Variants in CCDC148 observed in about 807,000 individuals in gnomAD.
The protein encoded by CCDC148 is coiled-coil domain containing 148.
A neutral mutation model predicts 85.7 loss-of-function variants in CCDC148; 89 were observed. The observed-to-expected ratio is 1.04, with a 90% CI of 0.87 to 1.24. CCDC148 has a LOEUF of 1.24. Among genes scored for constraint, CCDC148 ranks in the 50% most tolerant of loss-of-function variants. CCDC148 has a pLI of 0.00. For missense variants in CCDC148, 692 were observed against 671.7 expected (o/e 1.03, Z -0.33); for synonymous variants, 230 against 213.9 (o/e 1.08, Z -0.66).
chr2:158,405,669 T>C (rs1218068870), intron 1 of CCDC148, among the ~76,000 whole-genome samples: 1 of 152,136 alleles, frequency 6.6e-6, no homozygotes, highest in African/African-American at 2.4e-5. Context: ...CATTAAACAT[T>C]AAAGAACAGT....
chr2:158,255,457 T>C (rs1216338328), intron 9 of CCDC148, among the ~76,000 whole-genome samples: 7 of 151,702 alleles, frequency 4.6e-5, no homozygotes, highest in Admixed American at 1.3e-4. Context: ...CTGGTGGCAA[T>C]TGAAATAACC....
intron 11 of CCDC148, among the ~76,000 whole-genome samples, chr2:158,188,981 C>T (rs535285043): frequency 6.6e-6 from 1 of 151,920 alleles, no homozygotes; most frequent in South Asian, 2.1e-4. Context: ...AACAATTAAT[C>T]ACCAGAGAGA....
chr2:158,226,418 CAATAG>C (rs1687529115), intron 10 of CCDC148, among the ~76,000 whole-genome samples: 1 of 152,132 alleles, frequency 6.6e-6, no homozygotes, highest in Non-Finnish European at 1.5e-5. Flanking sequence ...CTATTCCAAT[CAATAG>C]AAAAAGAGGG....
chr2:158,454,689 T>C (rs1432958660), intron 1 of CCDC148, among the ~76,000 whole-genome samples: 1 of 152,192 alleles, frequency 6.6e-6, no homozygotes, highest in African/African-American at 2.4e-5. Context: ...ATCCTCCTGA[T>C]GAGGAAAGGA....
intron 7 of CCDC148, chr2:158,338,489 C>T: frequency 2.8e-6 from 1 of 352,884 alleles, no homozygotes; most frequent in Non-Finnish European, 5.0e-6. Context: ...GTGAAGAGCT[C>T]AATAAGAGAC....
At chr2:158,365,428 T>C (rs1684152778) in intron 1 of CCDC148, among the ~76,000 whole-genome samples, 2 of 152,066 alleles carry the variant, frequency 1.3e-5, no homozygotes, top group African/African-American at 4.8e-5. Context: ...AATGATAGAC[T>C]GGATAAAGAA....
At chr2:158,404,251 G>C (rs1318196537) in intron 1 of CCDC148, among the ~76,000 whole-genome samples, 4 of 152,078 alleles carry the variant, frequency 2.6e-5, no homozygotes, top group Non-Finnish European at 4.4e-5. Context: ...TAATGGCAAG[G>C]ATGGAAGCGC....
intron 1 of CCDC148, among the ~76,000 whole-genome samples, chr2:158,365,516 T>A (rs1250390061): frequency 1.3e-5 from 2 of 152,142 alleles, no homozygotes; most frequent in African/African-American, 2.4e-5. Flanking sequence ...GGGACATGGA[T>A]GAAGCTGGAA....
intron 1 of CCDC148, among the ~76,000 whole-genome samples, chr2:158,392,939 C>T (rs1685375999): frequency 6.6e-6 from 1 of 152,016 alleles, no homozygotes; most frequent in African/African-American, 2.4e-5. Flanking sequence ...GAGGAGTCAG[C>T]TCTGGCTTTT....
At chr2:158,351,768 G>A (rs1212437303) in intron 2 of CCDC148, among the ~76,000 whole-genome samples, 6 of 152,074 alleles carry the variant, frequency 3.9e-5, no homozygotes, top group Admixed American at 2.0e-4. Context: ...CCACCTCTGG[G>A]GGCAGAGCAC....
intron 9 of CCDC148, among the ~76,000 whole-genome samples, chr2:158,302,548 G>T (rs1399672783): frequency 6.6e-6 from 1 of 152,150 alleles, no homozygotes; most frequent in Non-Finnish European, 1.5e-5. Flanking sequence ...GACTTTGGGA[G>T]GCTCAGGTGG....
intron 9 of CCDC148, among the ~76,000 whole-genome samples, chr2:158,292,084 CT>C (rs1191387625): frequency 2.0e-5 from 3 of 151,294 alleles, no homozygotes; most frequent in East Asian, 1.9e-4. Flanking sequence ...TCACTTTTTT[CT>C]TTTTTTTTGT....
intron 1 of CCDC148, among the ~76,000 whole-genome samples, chr2:158,388,840 G>C (rs1225342470): frequency 2.6e-5 from 4 of 152,126 alleles, no homozygotes; most frequent in Non-Finnish European, 5.9e-5. Context: ...TTCTAGAGTT[G>C]TGAGGATTAT....
chr2:158,409,510 G>A (rs1427169619), intron 1 of CCDC148, among the ~76,000 whole-genome samples: 1 of 152,170 alleles, frequency 6.6e-6, no homozygotes, highest in Non-Finnish European at 1.5e-5. Context: ...CTTTGTTTTA[G>A]CCAATTTCTC....
chr2:158,433,951 G>C (rs1176354197), intron 1 of CCDC148, among the ~76,000 whole-genome samples: 1 of 152,234 alleles, frequency 6.6e-6, no homozygotes, highest in African/African-American at 2.4e-5. Context: ...GCTGAGGCTT[G>C]AGTAGGTAAA....
intron 10 of CCDC148, among the ~76,000 whole-genome samples, chr2:158,230,450 G>C (rs1180793484): frequency 6.6e-6 from 1 of 152,198 alleles, no homozygotes; most frequent in Non-Finnish European, 1.5e-5. Flanking sequence ...ACATTGGGAA[G>C]AGGGTGCAAC....
At chr2:158,326,389 C>T (rs1692777556) in intron 7 of CCDC148, among the ~76,000 whole-genome samples, 1 of 152,140 alleles carries the variant, frequency 6.6e-6, no homozygotes, top group Non-Finnish European at 1.5e-5. Flanking sequence ...GCACTTATCA[C>T]CTTCTAACAC....
At position 158,280,452 on chromosome 2, in the gene CCDC148, AC is replaced by A. The variant is rs1405236348; in HGVS notation, c.1110+28980del. The stretch of plus-strand genomic sequence containing the variant: ...GGAAGATGTACCAAGCAAATGGAAA[AC>A]AAAAAAAGGCAGGGGTTGCAATCCT... On this transcript the variant is annotated intron_variant, in intron 9 of 13. Coordinates refer to ENST00000283233, the MANE Select transcript of CCDC148 (RefSeq NM_138803.4). Among the ~76,000 whole-genome samples, 3 of 152,300 alleles carry A rather than the reference AC, an allele frequency of 2.0e-5. No homozygotes were observed. In the East Asian group the frequency reaches 5.8e-4, roughly 29 times the overall value.
At chr2:158,282,208 A>C (rs569374216) in intron 9 of CCDC148, among the ~76,000 whole-genome samples, 21 of 152,216 alleles carry the variant, frequency 1.4e-4, no homozygotes, top group South Asian at 4.2e-4. Flanking sequence ...TTCCCTTTGA[A>C]AACTGGCACA....
Sources: gnomAD v4.1 joint callset for allele counts (sites outside exome capture counted in the v4.1 genomes callset) on GRCh38, gnomAD v4.1.1 for gene constraint, MANE v1.5 for transcripts, NCBI Gene and HGNC (gene_info 2026-07-23, HGNC 2026-07-21) for gene names.